Variants in SNX19 observed in about 807,000 individuals in gnomAD.
SNX19 encodes sorting nexin 19.
SNX19 carries 60 observed loss-of-function variants against 85.2 expected under a neutral mutation model. The observed-to-expected ratio is 0.70, with a 90% confidence interval of 0.57 to 0.87. SNX19 has a LOEUF of 0.87. SNX19 is among the 40% of genes least tolerant of loss of function. The pLI is 0.00. For synonymous variants in SNX19, 520 were observed against 470.0 expected (o/e 1.11, Z -1.38); for missense variants, 1,201 against 1,217.8 (o/e 0.99, Z 0.21).
At position 130,876,038 on chromosome 11, in the gene SNX19, C is replaced by T. The variant is rs1943228099; in HGVS notation, c.*2384G>A. On this transcript the variant is annotated 3_prime_UTR_variant, in exon 11 of 11. Transcript: ENST00000265909. ...TTAGAATTTGACAGAAAGAACACAGCATCCCTGCCTCGTCTTTTTTATAGA... is the reference window on the plus strand; with the variant it reads ...TTAGAATTTGACAGAAAGAACACAGTATCCCTGCCTCGTCTTTTTTATAGA... 1 of 152,142 alleles carries T rather than the reference C, an allele frequency of 6.6e-6. No homozygotes were observed. The highest frequency in any genetic ancestry group is 1.5e-5 in the Non-Finnish European group (1 of 68,028). The allele number at this position is 152,142 out of a possible 1,614,324, so 9.4% of individuals were successfully genotyped here. A position where few individuals can be genotyped will look rare whatever the true frequency, so the allele number is the denominator to read the frequency against.
chr11:130,915,688 CG>C lies in SNX19; in HGVS notation c.251del (p.Pro84ArgfsTer25). ...CAGGGCATGGAGGACAGGTGGCCAA[CG>C]GGATGAAGCGTTCCAGATGCAGTCG... ...SGRLHLERFI[P>X]LATCPPCPEA... On this transcript the variant is annotated frameshift_variant, in exon 1 of 11. Coordinates refer to ENST00000265909, the MANE Select transcript of SNX19 (RefSeq NM_014758.3). LOFTEE classifies it high-confidence loss of function. 6.2e-7 allele frequency: 1 copy of C among 1,614,202 alleles called. No homozygotes were observed. The highest frequency in any genetic ancestry group is 8.5e-7 in the Non-Finnish European group (1 of 1,180,038).
chr11:130,905,732 T>C, intron 7 of SNX19: 2 of 1,536,316 alleles, frequency 1.3e-6, no homozygotes, highest in Non-Finnish European at 8.7e-7. Context: ...GGATTAGAAC[T>C]TCCTGTGTTT....
chr11:130,899,468 T>C (rs1945108559), intron 8 of SNX19, among the ~76,000 whole-genome samples: 1 of 152,086 alleles, frequency 6.6e-6, no homozygotes. Context: ...GGGCCAAAAA[T>C]GTCATTAAAA....
At position 130,869,857 on chromosome 11, in the gene SNX19, A is replaced by G. The variant is rs1020789979; in HGVS notation, c.*8565T>C. ...TATTGATTTAACTATCAAAAAGGCA[A>G]TTAGATTAGTGGGGTAGCCAAGTCA... On this transcript the variant is annotated 3_prime_UTR_variant, in exon 11 of 11. Transcript: ENST00000265909. 6.6e-6 allele frequency: 1 copy of G among 152,090 alleles called. No individual in the cohort carries two copies. The highest frequency in any genetic ancestry group is 2.4e-5 in the African/African-American group (1 of 41,386). The allele number at this position is 152,090 out of a possible 1,614,324, so 9.4% of individuals were successfully genotyped here.
At chr11:130,895,225 C>A in intron 8 of SNX19, 1 of 985,404 alleles carries the variant, frequency 1.0e-6, no homozygotes, top group Non-Finnish European at 1.2e-6. Context: ...TTGCTTAGGC[C>A]GTACCATGGC....
rs764479531 is a variant in SNX19 at position 130,915,954 on chromosome 11, G to A, written c.-15C>T. The A allele has an allele frequency of 2.9e-5, 46 of 1,607,574 alleles. No individual in the cohort carries two copies. The highest frequency in any genetic ancestry group is 3.6e-5 in the Non-Finnish European group (42 of 1,176,110). ...TCTGTCTTCATGGCTGAACGGACAA[G>A]GTGGCTTCCCCAGATGACAGCCCTC... is the stretch of plus-strand genomic sequence containing the variant. On this transcript the variant is annotated 5_prime_UTR_variant, in exon 1 of 11. Transcript: ENST00000265909.
At position 130,875,393 on chromosome 11, in the gene SNX19, G is replaced by A. The variant is rs1488952724; in HGVS notation, c.*3029C>T. ...GGCTGTTCAATGGGTATAAACTTTT[G>A]GTTATGCAAGATGAAAAACTTGTAG... is the stretch of plus-strand genomic sequence containing the variant. On this transcript the variant is annotated 3_prime_UTR_variant, in exon 11 of 11. Coordinates refer to ENST00000265909, the MANE Select transcript of SNX19 (RefSeq NM_014758.3). 1 of 152,104 alleles carries A rather than the reference G, an allele frequency of 6.6e-6. No homozygotes were observed. The highest frequency in any genetic ancestry group is 1.5e-5 in the Non-Finnish European group (1 of 68,028). The allele number at this position is 152,104 out of a possible 1,614,324, so 9.4% of individuals were successfully genotyped here.
chr11:130,904,065 A>G (rs1422943494), intron 7 of SNX19, among the ~76,000 whole-genome samples: 2 of 152,230 alleles, frequency 1.3e-5, no homozygotes, highest in African/African-American at 2.4e-5. Flanking sequence ...GTAAAATGCC[A>G]TAACAATTAC....
At chr11:130,880,554 G>A in intron 9 of SNX19, 68 bp downstream of exon 9, 1 of 1,403,976 alleles carries the variant, frequency 7.1e-7, no homozygotes, top group Non-Finnish European at 9.7e-7. Flanking sequence ...AAGGTGCAGG[G>A]GTAATGGTGG....
At position 130,903,401 on chromosome 11, in the gene SNX19, C is replaced by T. The variant is rs538001687; in HGVS notation, c.2444-17G>A. On this transcript the variant is annotated splice_polypyrimidine_tract_variant and intron_variant, in intron 7 of 10. Coordinates refer to ENST00000265909, the MANE Select transcript of SNX19 (RefSeq NM_014758.3). ...TCTCTGTTCCTGAGGGATAAAATGG[C>T]ATCAGGAGTAACTCAGAAGAGACCC... The T allele has an allele frequency of 6.2e-7, 1 of 1,611,178 alleles. No individual in the cohort carries two copies. The highest frequency in any genetic ancestry group is 8.5e-7 in the Non-Finnish European group (1 of 1,179,462).
At chr11:130,887,313 A>G (rs940193941) in intron 8 of SNX19, among the ~76,000 whole-genome samples, 3 of 152,228 alleles carry the variant, frequency 2.0e-5, no homozygotes, top group African/African-American at 7.2e-5. Flanking sequence ...GGTTTTTCCA[A>G]TCTCACCAAC....
intron 2 of SNX19, 183 bp downstream of exon 2, chr11:130,911,450 C>T: frequency 7.1e-7 from 1 of 1,417,978 alleles, no homozygotes; most frequent in Non-Finnish European, 9.2e-7. Flanking sequence ...TAAAGGACTA[C>T]CTCTGAAAGA....
chr11:130,915,749 C>T lies in SNX19; in HGVS notation c.191G>A (p.Trp64Ter). Residue 64 changes from tryptophan to a stop codon, truncating the protein, a stop_gained, in exon 1 of 11, where the codon TGG becomes TAG. Transcript: ENST00000265909. LOFTEE classifies it high-confidence loss of function. ...CACTCCAGCGAGGCTGGAGCCCAGC[C>T]ATCCTCCCAGCACCACTAGCAATGC... ...LSALLVVLGGWLGSSLAGVAS... is the reference protein window; with the variant it reads ...LSALLVVLGG 8 of 1,614,224 alleles carry T rather than the reference C, an allele frequency of 5.0e-6. No homozygotes were observed. Among genetic ancestry groups the T allele is most frequent in the Non-Finnish European group, 6.8e-6 (8 of 1,180,052 alleles).
intron 8 of SNX19, among the ~76,000 whole-genome samples, chr11:130,896,239 C>T (rs985980352): frequency 2.1e-4 from 32 of 152,086 alleles, no homozygotes; most frequent in African/African-American, 6.0e-4. Flanking sequence ...CAGAGCTGAA[C>T]TGGAAGAAAA....
intron 7 of SNX19, among the ~76,000 whole-genome samples, chr11:130,904,853 ACC>A (rs1396807904): frequency 7.9e-5 from 12 of 152,022 alleles, no homozygotes; most frequent in Non-Finnish European, 1.3e-4. Context: ...CCTGCCCCCC[ACC>A]ATCTTTACAG....
intron 7 of SNX19, 134 bp from the exon 8 acceptor site, chr11:130,903,518 T>G (rs1282125705): frequency 3.4e-6 from 3 of 881,792 alleles, no homozygotes; most frequent in South Asian, 4.9e-5. Context: ...CCCTCTACAC[T>G]CAAATCAAAA....
chr11:130,900,059 T>C (rs1045897169), intron 8 of SNX19, among the ~76,000 whole-genome samples: 3 of 152,086 alleles, frequency 2.0e-5, no homozygotes, highest in Admixed American at 6.5e-5. Context: ...CTCACTGGAG[T>C]TGTGGTTGTA....
At chr11:130,884,852 A>C (rs1274241417) in intron 8 of SNX19, among the ~76,000 whole-genome samples, 3 of 147,400 alleles carry the variant, frequency 2.0e-5, no homozygotes, top group African/African-American at 7.6e-5. Flanking sequence ...AGCCTGGGTG[A>C]CAGAGGGAGA....
chr11:130,878,065 C>A lies in SNX19; in HGVS notation c.*357G>T, dbSNP rs775237151. 3.5e-5 allele frequency: 6 copies of A among 169,348 alleles called. No homozygotes were observed. The highest frequency in any genetic ancestry group is 7.6e-5 in the Non-Finnish European group (6 of 78,816). 10.5% of individuals were successfully genotyped at this position (169,348 alleles called of 1,614,324 possible). Reference sequence around the variant, plus strand: ...AGCTTGTGTGCTGGTGGATTAAGCACATGTGTGCACAGGGCCAGGATTCTG... The same window carrying A: ...AGCTTGTGTGCTGGTGGATTAAGCAAATGTGTGCACAGGGCCAGGATTCTG... On this transcript the variant is annotated 3_prime_UTR_variant, in exon 11 of 11. Coordinates refer to ENST00000265909, the MANE Select transcript of SNX19 (RefSeq NM_014758.3).
Sources: allele counts gnomAD v4.1 joint callset (sites outside exome capture counted in the v4.1 genomes callset), GRCh38; gene constraint gnomAD v4.1.1; transcripts MANE v1.5; gene names NCBI Gene and HGNC (gene_info 2026-07-23, HGNC 2026-07-21).